The following CERK variants were observed in gnomAD, a reference collection of about 807,000 sequenced individuals.
CERK encodes acylsphingosine kinase.
Under a neutral mutation model 63.4 loss-of-function variants are expected in CERK, and 39 were observed. The observed-to-expected ratio is 0.61, with a 90% confidence interval of 0.48 to 0.80. The LOEUF (loss-of-function observed/expected upper bound fraction) is 0.80. CERK is among the 30% of genes least tolerant of loss of function. The pLI, the probability that CERK is intolerant of heterozygous loss-of-function variation, is 0.00. For missense variants in CERK, 670 were observed against 714.1 expected (o/e 0.94, Z 0.70); for synonymous variants, 302 against 280.0 (o/e 1.08, Z -0.78).
Position 46,705,311 on chromosome 22 carries a change from T to C in CERK, c.715+2532A>G, listed in dbSNP as rs142588147. Among the ~76,000 whole-genome samples, 4 of 152,252 alleles carry C rather than the reference T, an allele frequency of 2.6e-5. No homozygotes were observed. The East Asian group carries it at 7.7e-4, about 29-fold the overall frequency. ...AAGACAGCAGGAGACGGTGCCTTGA[T>C]CTCAGGCACTTGTGGCCATAGGGAG... On this transcript the variant is annotated intron_variant, in intron 6 of 12. Coordinates refer to ENST00000216264, the MANE Select transcript of CERK (RefSeq NM_022766.6).
At chr22:46,687,632 C>T (rs1005427615) in intron 12 of CERK, among the ~76,000 whole-genome samples, 2 of 151,832 alleles carry the variant, frequency 1.3e-5, no homozygotes, top group South Asian at 2.1e-4. Context: ...GCAAGGCCTG[C>T]GAGGAGTCTG....
At chr22:46,731,618 G>T (rs959497435) in intron 1 of CERK, among the ~76,000 whole-genome samples, 1 of 152,242 alleles carries the variant, frequency 6.6e-6, no homozygotes, top group Admixed American at 6.5e-5. Flanking sequence ...GCCTTGGTGA[G>T]GCTGAGGATA....
chr22:46,726,425 C>T (rs563808509), intron 1 of CERK, among the ~76,000 whole-genome samples: 1 of 152,288 alleles, frequency 6.6e-6, no homozygotes, highest in African/African-American at 2.4e-5. Flanking sequence ...ACACACACTG[C>T]AGGGGATGCT....
chr22:46,738,072 T>C lies in CERK; in HGVS notation c.77A>G (p.Glu26Gly), dbSNP rs1473991319. The C allele has an allele frequency of 7.9e-7, 1 of 1,269,440 alleles. No homozygotes were observed. Among genetic ancestry groups the C allele is most frequent in the Non-Finnish European group, 1.0e-6 (1 of 1,001,886 alleles). 78.6% of individuals were successfully genotyped at this position (1,269,440 alleles called of 1,614,324 possible). The change falls in exon 1 of 13, where the codon GAG becomes GGG. Residue 26 changes from glutamate to glycine, a missense_variant. Physicochemically the swap from Glu to Gly is moderately conservative, Grantham distance 98. Coordinates refer to ENST00000216264, the MANE Select transcript of CERK (RefSeq NM_022766.6). ...VKQQRCAVSL[E>G]PARALLRWWR... Reference sequence around the variant, plus strand: ...CCAGCGCAGCAGAGCCCGCGCGGGCTCCAGGCTCACGGCGCAGCGCTGCTG... The same window carrying C: ...CCAGCGCAGCAGAGCCCGCGCGGGCCCCAGGCTCACGGCGCAGCGCTGCTG...
At chr22:46,715,542 T>C (rs1048953752) in intron 3 of CERK, among the ~76,000 whole-genome samples, 14 of 152,184 alleles carry the variant, frequency 9.2e-5, no homozygotes, top group Admixed American at 2.0e-4. Context: ...AATACTAGGT[T>C]GGGCACAGTG....
At chr22:46,691,898 G>C in intron 10 of CERK, 121 bp from the exon 11 acceptor site, 9 of 664,824 alleles carry the variant, frequency 1.4e-5, no homozygotes, top group Non-Finnish European at 1.0e-5. Context: ...GACACTTCAT[G>C]CAATCGACTC....
chr22:46,734,348 C>T (rs957515942), intron 1 of CERK, among the ~76,000 whole-genome samples: 3 of 150,052 alleles, frequency 2.0e-5, no homozygotes, highest in Non-Finnish European at 2.9e-5. Context: ...GGCACAAAGA[C>T]GTGCACATGG....
intron 10 of CERK, among the ~76,000 whole-genome samples, 200 bp downstream of exon 10, chr22:46,693,227 C>T (rs1569319054): frequency 6.6e-6 from 1 of 152,132 alleles, no homozygotes; most frequent in East Asian, 1.9e-4. Flanking sequence ...TCACAAAACC[C>T]ACTGCTCCAC....
At chr22:46,719,629 G>T (rs540237152) in intron 3 of CERK, among the ~76,000 whole-genome samples, 1 of 152,276 alleles carries the variant, frequency 6.6e-6, no homozygotes, top group East Asian at 1.9e-4. Flanking sequence ...CTGAGATCGC[G>T]CCACTGAACT....
At chr22:46,702,003 A>G (rs1006169723) in intron 6 of CERK, among the ~76,000 whole-genome samples, 15 of 152,148 alleles carry the variant, frequency 9.9e-5, no homozygotes, top group Admixed American at 9.2e-4. Context: ...CAACATGGTG[A>G]AACTCCGACT....
At chr22:46,697,701 C>T (rs1219080538) in intron 8 of CERK, among the ~76,000 whole-genome samples, 3 of 152,192 alleles carry the variant, frequency 2.0e-5, no homozygotes, top group African/African-American at 7.2e-5. Flanking sequence ...GACAGGGTTT[C>T]ACCATGTTGG....
intron 3 of CERK, 93 bp from the exon 4 acceptor site, chr22:46,712,386 G>C (rs2082845870): frequency 8.5e-7 from 1 of 1,178,852 alleles, no homozygotes; most frequent in Admixed American, 2.1e-5. Context: ...GAGGGTTTTA[G>C]AATTCTGCTT....
intron 11 of CERK, among the ~76,000 whole-genome samples, chr22:46,690,721 C>T (rs973013839): frequency 1.1e-4 from 16 of 152,262 alleles, no homozygotes; most frequent in African/African-American, 1.2e-4. Context: ...TGACTAGACT[C>T]GGGTCTTCCT....
At position 46,736,891 on chromosome 22, in the gene CERK, C is replaced by T. The variant is rs1020745712; in HGVS notation, c.142+1116G>A. Among the ~76,000 whole-genome samples, 5 of 152,324 alleles carry T rather than the reference C, an allele frequency of 3.3e-5. No individual in the cohort carries two copies. The South Asian group carries it at 8.3e-4, about 25-fold the overall frequency. On this transcript the variant is annotated intron_variant, in intron 1 of 12. Coordinates refer to ENST00000216264, the MANE Select transcript of CERK (RefSeq NM_022766.6). ...CCCACAGGGTCTAAAGGTGTCATCCCAGGCTCCGAATATCCACCAGAGAAT... is the reference window on the plus strand; with the variant it reads ...CCCACAGGGTCTAAAGGTGTCATCCTAGGCTCCGAATATCCACCAGAGAAT...
intron 1 of CERK, among the ~76,000 whole-genome samples, chr22:46,727,719 C>T (rs9626899): frequency 0.25 from 37,695 of 152,034 alleles, 5,431 homozygotes; most frequent in East Asian, 0.37. Flanking sequence ...GCGTGCCCCA[C>T]TCTCAGGCAG....
chr22:46,686,061 A>G lies in CERK; in HGVS notation c.*1073T>C, dbSNP rs574850668. On this transcript the variant is annotated 3_prime_UTR_variant, in exon 13 of 13. Transcript: ENST00000216264. ...AGCGCGGCAGGAATGCCTTCCGGGA[A>G]GAATCCTCTGGTCGCCGGAGCCCTC... 4.6e-5 allele frequency: 7 copies of G among 152,364 alleles called. No homozygotes were observed. The highest frequency in any genetic ancestry group is 1.7e-4 in the African/African-American group (7 of 41,586). The allele number at this position is 152,364 out of a possible 1,614,324, so 9.4% of individuals were successfully genotyped here.
intron 8 of CERK, among the ~76,000 whole-genome samples, chr22:46,695,887 C>A (rs73471165): frequency 0.012 from 1,900 of 152,312 alleles, 40 homozygotes; most frequent in African/African-American, 0.043. Flanking sequence ...GAAACACCAC[C>A]CAGCAGGACA....
chr22:46,700,013 C>T (rs189851019), intron 7 of CERK, among the ~76,000 whole-genome samples: 20 of 152,188 alleles, frequency 1.3e-4, no homozygotes, highest in African/African-American at 3.6e-4. Context: ...CGCTTGAACC[C>T]GGGAGGCGGA....
intron 6 of CERK, among the ~76,000 whole-genome samples, chr22:46,702,051 T>G (rs1383770272): frequency 1.3e-5 from 2 of 151,624 alleles, no homozygotes; most frequent in East Asian, 2.0e-4. Flanking sequence ...CGTGGTGGCA[T>G]GCACCTATAA....
Sources: gnomAD v4.1 joint callset for allele counts (sites outside exome capture counted in the v4.1 genomes callset) on GRCh38, gnomAD v4.1.1 for gene constraint, MANE v1.5 for transcripts, NCBI Gene and HGNC (gene_info 2026-07-23, HGNC 2026-07-21) for gene names.